The following SDK1 variants were observed in gnomAD, a reference collection of about 807,000 sequenced individuals.
SDK1 encodes sidekick cell adhesion molecule 1.
In SDK1, 157 loss-of-function variants were observed where a neutral mutation model predicts 245.5. That is an observed-to-expected ratio of 0.64 (90% confidence interval 0.56 to 0.73). The LOEUF (loss-of-function observed/expected upper bound fraction) is 0.73. Ranked by LOEUF, SDK1 falls within the 30% of genes least tolerant of loss-of-function variation. The probability of loss-of-function intolerance (pLI) is 0.00; values close to 1 mark genes in which losing one functional copy is unlikely to be tolerated. For synonymous variants in SDK1, 1,647 were observed against 1,278.5 expected (o/e 1.29, Z -6.15); for missense variants, 3,583 against 3,002.3 (o/e 1.19, Z -4.52).
chr7:3,938,042 G>T (rs780365862), intron 5 of SDK1, among the ~76,000 whole-genome samples: 1 of 152,074 alleles, frequency 6.6e-6, no homozygotes, highest in Non-Finnish European at 1.5e-5. Context: ...TCACCATGTT[G>T]CCCACACTGG....
At chr7:3,455,003 A>AT (rs982092445) in intron 1 of SDK1, among the ~76,000 whole-genome samples, 2 of 151,728 alleles carry the variant, frequency 1.3e-5, no homozygotes, top group African/African-American at 2.4e-5. Context: ...TGTTATCCTT[A>AT]TTTTTTTATT....
intron 22 of SDK1, among the ~76,000 whole-genome samples, chr7:4,087,483 A>ACT (rs984081386): frequency 7.2e-5 from 11 of 151,908 alleles, no homozygotes; most frequent in African/African-American, 2.7e-4. Context: ...ACGCGCGCAC[A>ACT]CACACACACA....
At chr7:3,735,215 A>T (rs748699733) in intron 4 of SDK1, among the ~76,000 whole-genome samples, 1 of 152,194 alleles carries the variant, frequency 6.6e-6, no homozygotes, top group Non-Finnish European at 1.5e-5. Flanking sequence ...ACCATTTTAT[A>T]TATAATTCAA....
At chr7:3,618,101 G>T (rs115497234) in intron 1 of SDK1, among the ~76,000 whole-genome samples, 3,691 of 152,216 alleles carry the variant, frequency 0.024, 161 homozygotes, top group African/African-American at 0.084. Context: ...TGAGGATCAG[G>T]TAGCTAATTA....
intron 25 of SDK1, among the ~76,000 whole-genome samples, chr7:4,122,507 C>T (rs749313512): frequency 1.3e-4 from 20 of 152,106 alleles, no homozygotes; most frequent in African/African-American, 2.7e-4. Context: ...GCTGAAAACA[C>T]GCAGAGAACA....
At chr7:3,904,029 A>G (rs546033943) in intron 5 of SDK1, among the ~76,000 whole-genome samples, 1 of 152,142 alleles carries the variant, frequency 6.6e-6, no homozygotes, top group South Asian at 2.1e-4. Context: ...CCAATCTTGA[A>G]CTTCCCAGCC....
Position 3,638,986 on chromosome 7 carries a change from C to A in SDK1, c.459-18C>A, listed in dbSNP as rs1489907994. 2.6e-6 allele frequency: 4 copies of A among 1,531,246 alleles called. No homozygotes were observed. Among genetic ancestry groups the A allele is most frequent in the Admixed American group, 1.7e-5 (1 of 57,744 alleles). The allele number at this position is 1,531,246 out of a possible 1,614,324, so 94.9% of individuals were successfully genotyped here. ...ACACTGGATATAAGCATTAACACTT[C>A]TTTTTGCTATTCAACAGGTACATTA... is the stretch of plus-strand genomic sequence containing the variant. On this transcript the variant is annotated intron_variant, in intron 2 of 44. Transcript: ENST00000404826.
intron 1 of SDK1, among the ~76,000 whole-genome samples, chr7:3,587,738 C>G (rs7797872): frequency 3.3e-5 from 5 of 152,012 alleles, no homozygotes; most frequent in Admixed American, 6.5e-5. Context: ...CTGGGCACCC[C>G]GTGGCCCACT....
At chr7:3,346,896 C>G (rs1216364665) in intron 1 of SDK1, among the ~76,000 whole-genome samples, 1 of 130,988 alleles carries the variant, frequency 7.6e-6, no homozygotes, top group South Asian at 2.5e-4. Flanking sequence ...GTCTCGAACT[C>G]CTGGGCTCAA....
intron 5 of SDK1, among the ~76,000 whole-genome samples, chr7:3,847,186 C>G (rs558581318): frequency 6.6e-6 from 1 of 152,078 alleles, no homozygotes. Context: ...TCAACCTTTA[C>G]TCCTGGAACT....
chr7:3,392,807 C>A (rs979316328), intron 1 of SDK1, among the ~76,000 whole-genome samples: 1 of 152,004 alleles, frequency 6.6e-6, no homozygotes, highest in Non-Finnish European at 1.5e-5. Flanking sequence ...CCTTTTTTGG[C>A]TGAATAATAA....
At chr7:4,259,582 G>A (rs570241555) in intron 44 of SDK1, among the ~76,000 whole-genome samples, 3 of 152,240 alleles carry the variant, frequency 2.0e-5, no homozygotes, top group East Asian at 3.9e-4. Flanking sequence ...CAGTAGGGCC[G>A]GGCCAGCGCT....
intron 30 of SDK1, among the ~76,000 whole-genome samples, chr7:4,150,693 C>G (rs1188263869): frequency 6.6e-6 from 1 of 152,236 alleles, no homozygotes; most frequent in African/African-American, 2.4e-5. Flanking sequence ...CCTCAGAACA[C>G]CACCCTGGCC....
At chr7:3,328,808 T>C (rs1312292601) in intron 1 of SDK1, among the ~76,000 whole-genome samples, 2 of 152,116 alleles carry the variant, frequency 1.3e-5, no homozygotes, top group African/African-American at 4.8e-5. Context: ...TACAGTTCAG[T>C]TAGTTCAGGT....
chr7:3,785,541 G>A (rs1414329409), intron 4 of SDK1, among the ~76,000 whole-genome samples: 2 of 152,138 alleles, frequency 1.3e-5, no homozygotes, highest in African/African-American at 4.8e-5. Flanking sequence ...CTTAGGACAT[G>A]TGAAAACAGA....
At chr7:4,097,541 A>G (rs1308985278) in intron 22 of SDK1, among the ~76,000 whole-genome samples, 1 of 152,218 alleles carries the variant, frequency 6.6e-6, no homozygotes, top group Non-Finnish European at 1.5e-5. Context: ...TGGGCCGCCC[A>G]AGGCCCAATA....
At chr7:3,308,981 G>C (rs1314804307) in intron 1 of SDK1, among the ~76,000 whole-genome samples, 1 of 152,076 alleles carries the variant, frequency 6.6e-6, no homozygotes, top group Non-Finnish European at 1.5e-5. Context: ...ATTAAGAATA[G>C]TTGGTAGCAG....
chr7:3,974,706 T>C, intron 13 of SDK1, 161 bp downstream of exon 13: 1 of 596,902 alleles, frequency 1.7e-6, no homozygotes, highest in Non-Finnish European at 2.8e-6. Context: ...ATGGACAAGG[T>C]TTTTTTGTGG....
intron 8 of SDK1, among the ~76,000 whole-genome samples, chr7:3,962,295 G>A (rs7799616): frequency 2.0e-5 from 3 of 152,202 alleles, no homozygotes; most frequent in Non-Finnish European, 4.4e-5. Flanking sequence ...GCCCTCCCGC[G>A]GTGGCTGAGT....
Sources: allele counts gnomAD v4.1 joint callset (sites outside exome capture counted in the v4.1 genomes callset), GRCh38; gene constraint gnomAD v4.1.1; transcripts MANE v1.5; gene names NCBI Gene and HGNC (gene_info 2026-07-23, HGNC 2026-07-21).